The following PRKG1 variants were observed in gnomAD, a reference collection of about 807,000 sequenced individuals.
The protein encoded by PRKG1 is protein kinase cGMP-dependent 1, also known as cGMP-dependent protein kinase 1.
Under a neutral mutation model 88.1 loss-of-function variants are expected in PRKG1, and 35 were observed. The ratio of observed to expected loss-of-function variants is 0.40; its 90% CI spans 0.30 to 0.53. The LOEUF (loss-of-function observed/expected upper bound fraction) is 0.53, where lower values mean the gene tolerates loss of function less well. Ranked by LOEUF, PRKG1 falls within the 20% of genes least tolerant of loss-of-function variation. The probability of loss-of-function intolerance (pLI) is 0.59; values close to 1 mark genes in which losing one functional copy is unlikely to be tolerated. For synonymous variants in PRKG1, 303 were observed against 292.5 expected (o/e 1.04, Z -0.37); for missense variants, 540 against 839.8 (o/e 0.64, Z 4.41).
chr10:51,239,699 C>G (rs1465648192), intron 2 of PRKG1, among the ~76,000 whole-genome samples: 1 of 152,032 alleles, frequency 6.6e-6, no homozygotes, highest in Non-Finnish European at 1.5e-5. Context: ...GGTTTGAGTA[C>G]GTGGGCTGAG....
chr10:51,581,845 A>G (rs532665679), intron 3 of PRKG1, among the ~76,000 whole-genome samples: 1 of 151,744 alleles, frequency 6.6e-6, no homozygotes, highest in Non-Finnish European at 1.5e-5. Flanking sequence ...CTTTTATTCC[A>G]TAGCAATAGT....
At chr10:51,505,659 G>A (rs1409150692) in intron 3 of PRKG1, among the ~76,000 whole-genome samples, 1 of 152,010 alleles carries the variant, frequency 6.6e-6, no homozygotes, top group Admixed American at 6.6e-5. Flanking sequence ...GCCTGTTATT[G>A]GTCTATTCAG....
At chr10:52,250,790 A>C (rs1360454732) in intron 9 of PRKG1, among the ~76,000 whole-genome samples, 1 of 152,060 alleles carries the variant, frequency 6.6e-6, no homozygotes, top group Non-Finnish European at 1.5e-5. Flanking sequence ...TCATCAGGAG[A>C]AGCTTATTTT....
chr10:52,078,955 G>A (rs990417512), intron 7 of PRKG1, among the ~76,000 whole-genome samples: 3 of 152,344 alleles, frequency 2.0e-5, no homozygotes, highest in African/African-American at 4.8e-5. Context: ...GGTCTCCCAT[G>A]AGAATAGAGT....
chr10:51,656,873 A>G (rs894627707), intron 3 of PRKG1, among the ~76,000 whole-genome samples: 26 of 152,100 alleles, frequency 1.7e-4, no homozygotes, highest in Non-Finnish European at 3.4e-4. Flanking sequence ...GATTGGTAGC[A>G]TAGAGTAAGG....
intron 2 of PRKG1, among the ~76,000 whole-genome samples, chr10:51,460,704 G>A (rs529039444): frequency 6.6e-6 from 1 of 152,254 alleles, no homozygotes; most frequent in African/African-American, 2.4e-5. Context: ...AGGATGTTGT[G>A]AAGTCCTTTC....
At position 52,293,693 on chromosome 10, in the gene PRKG1, T is replaced by G. The variant is rs1589766226; in HGVS notation, c.1963-109T>G. On this transcript the variant is annotated intron_variant, in intron 17 of 17. Transcript: ENST00000373980. ...TCAATACCTGCTACATAGTAGATACTCAATGAAATAGTCACTAATAGGGAA... is the reference window on the plus strand; with the variant it reads ...TCAATACCTGCTACATAGTAGATACGCAATGAAATAGTCACTAATAGGGAA... 7 of 803,098 alleles carry G rather than the reference T, an allele frequency of 8.7e-6. No individual in the cohort carries two copies. In the East Asian group the frequency reaches 1.8e-4, roughly 21 times the overall value. 49.7% of individuals were successfully genotyped at this position (803,098 alleles called of 1,614,324 possible). A position where few individuals can be genotyped will look rare whatever the true frequency, so the allele number is the denominator to read the frequency against.
intron 7 of PRKG1, among the ~76,000 whole-genome samples, chr10:52,124,384 G>C (rs1488982756): frequency 6.6e-6 from 1 of 152,250 alleles, no homozygotes; most frequent in East Asian, 1.9e-4. Context: ...TGTAACAGTA[G>C]TATTTGTGTA....
intron 8 of PRKG1, among the ~76,000 whole-genome samples, chr10:52,157,638 G>A (rs10824162): frequency 0.42 from 63,799 of 151,090 alleles, 15,183 homozygotes; most frequent in Non-Finnish European, 0.53. Context: ...AAACAGACAC[G>A]TTTTCTAAAA....
Position 52,288,944 on chromosome 10 carries a change from GA to G in PRKG1, c.1849del (p.Arg617AspfsTer2). The G allele has an allele frequency of 6.2e-7, 1 of 1,607,288 alleles. No homozygotes were observed. Among genetic ancestry groups the G allele is most frequent in the Non-Finnish European group, 8.5e-7 (1 of 1,176,190 alleles). Reference sequence around the variant, plus strand: ...TTTTATTTTTAGGGACAATCCATCAGAAAGATTAGGGAATTTGAAAAATGGA... The same window carrying G: ...TTTTATTTTTAGGGACAATCCATCAGAAGATTAGGGAATTTGAAAAATGGA... ...IKKLCRDNPS[E>X]RLGNLKNGVK... On this transcript the variant is annotated frameshift_variant, in exon 16 of 18. Transcript: ENST00000373980. LOFTEE classifies it high-confidence loss of function.
chr10:51,701,200 G>C (rs1841457074), intron 3 of PRKG1, among the ~76,000 whole-genome samples: 1 of 152,066 alleles, frequency 6.6e-6, no homozygotes, highest in South Asian at 2.1e-4. Context: ...TACTTCTGTG[G>C]ACTGGACTGC....
intron 2 of PRKG1, among the ~76,000 whole-genome samples, chr10:51,194,195 A>G (rs1837702540): frequency 6.6e-6 from 1 of 151,872 alleles, no homozygotes; most frequent in African/African-American, 2.4e-5. Flanking sequence ...GGCACACAGT[A>G]GAAGATTAGT....
intron 1 of PRKG1, among the ~76,000 whole-genome samples, chr10:51,088,340 T>G (rs1199089420): frequency 1.3e-5 from 2 of 152,070 alleles, no homozygotes; most frequent in Non-Finnish European, 2.9e-5. Context: ...TATCAATGCT[T>G]TCTGATTCTT....
chr10:52,190,178 A>G (rs1390897035), intron 9 of PRKG1, among the ~76,000 whole-genome samples: 2 of 152,238 alleles, frequency 1.3e-5, no homozygotes, highest in Non-Finnish European at 2.9e-5. Context: ...AAGCAATAGA[A>G]TGAAATTTTA....
At chr10:51,996,512 A>G (rs932308784) in intron 5 of PRKG1, among the ~76,000 whole-genome samples, 2 of 152,104 alleles carry the variant, frequency 1.3e-5, no homozygotes, top group Admixed American at 1.3e-4. Flanking sequence ...AAATTAGCCA[A>G]AAGGTATATG....
chr10:52,026,187 G>A (rs913945032), intron 5 of PRKG1, among the ~76,000 whole-genome samples: 7 of 152,052 alleles, frequency 4.6e-5, no homozygotes, highest in African/African-American at 1.4e-4. Context: ...AAAAAATACC[G>A]TGGGGATTTA....
intron 3 of PRKG1, among the ~76,000 whole-genome samples, chr10:51,591,142 AGTAT>A (rs758825436): frequency 2.2e-5 from 1 of 46,310 alleles, no homozygotes; most frequent in African/African-American, 4.0e-5. Flanking sequence ...AAGGAAAAGT[AGTAT>A]GTGTGTGTGT....
Position 51,140,476 on chromosome 10 carries a change from C to T in PRKG1, c.312-12688C>T, listed in dbSNP as rs183041189. On this transcript the variant is annotated intron_variant, in intron 1 of 17. Transcript: ENST00000373980. ...AGGCAAACTGACACACCTGGACCAG[C>T]GTGGTTGTTAAGAGGGGGTCTGGGG... Among the ~76,000 whole-genome samples, 577 of 152,202 alleles carry T rather than the reference C, an allele frequency of 3.8e-3. 9 individuals carry two copies. Among genetic ancestry groups the T allele is most frequent in the African/African-American group, 0.014 (562 of 41,540 alleles).
intron 1 of PRKG1, among the ~76,000 whole-genome samples, chr10:51,001,319 T>A (rs1036635503): frequency 2.0e-5 from 3 of 152,198 alleles, no homozygotes; most frequent in Non-Finnish European, 2.9e-5. Flanking sequence ...TAGATGCCTG[T>A]GGCTGTGAAG....
Sources: allele counts gnomAD v4.1 joint callset (sites outside exome capture counted in the v4.1 genomes callset), GRCh38; gene constraint gnomAD v4.1.1; transcripts MANE v1.5; gene names NCBI Gene and HGNC (gene_info 2026-07-23, HGNC 2026-07-21).